Variants in GLIS3 observed in about 807,000 individuals in gnomAD.
The protein encoded by GLIS3 is zinc finger protein GLIS3.
A neutral mutation model predicts 78.6 loss-of-function variants in GLIS3; 53 were observed. The observed-to-expected ratio is 0.67, with a 90% CI of 0.54 to 0.85. GLIS3 has a LOEUF of 0.85. GLIS3 is among the 40% of genes least tolerant of loss of function. GLIS3 has a pLI of 0.00. For missense variants in GLIS3, 1,703 were observed against 1,231.1 expected (o/e 1.38, Z -5.74); for synonymous variants, 684 against 509.9 (o/e 1.34, Z -4.60).
the GLIS3 span, among the ~76,000 whole-genome samples, chr9:4,454,196 G>T: frequency 6.6e-6 from 1 of 151,172 alleles, no homozygotes; most frequent in Non-Finnish European, 1.5e-5. Context: ...CCAGAGACAG[G>T]GTATCCCTTT....
Position 4,118,703 on chromosome 9 carries a change from A to ATGTCCC in GLIS3, c.769_774dup (p.Gly257_Thr258dup). On this transcript the variant is annotated inframe_insertion, in exon 4 of 11. Transcript: ENST00000381971. This position sits in a 1 kb window ranked among gnomAD's most constrained non-coding sequence, Gnocchi z 4.7. ...TTAGAGACACTATTGCTGGACATGG[A>ATGTCCC]TGTCCCGGGAGGAAGGCTAAGGAGA... 6.2e-7 allele frequency: 1 copy of ATGTCCC among 1,614,066 alleles called. No homozygotes were observed. Among genetic ancestry groups the ATGTCCC allele is most frequent in the Non-Finnish European group, 8.5e-7 (1 of 1,180,032 alleles).
At chr9:4,157,152 T>C (rs1250189188) in intron 2 of GLIS3, among the ~76,000 whole-genome samples, 2 of 152,236 alleles carry the variant, frequency 1.3e-5, no homozygotes, top group Non-Finnish European at 2.9e-5. Context: ...AATTATAAGC[T>C]ATTTGTTATG....
chr9:3,868,315 G>C (rs1820740436), intron 8 of GLIS3, among the ~76,000 whole-genome samples: 1 of 152,092 alleles, frequency 6.6e-6, no homozygotes, highest in Non-Finnish European at 1.5e-5. Context: ...AGTTATTGCT[G>C]GATTAGCTCT....
intron 4 of GLIS3, among the ~76,000 whole-genome samples, chr9:4,021,510 A>G (rs970449437): frequency 6.6e-6 from 1 of 152,120 alleles, no homozygotes; most frequent in Admixed American, 6.6e-5. Context: ...TATCTGCTTG[A>G]TATGTGGTAA....
At chr9:4,117,279 C>T (rs145594006) in intron 4 of GLIS3, among the ~76,000 whole-genome samples, 127 of 152,172 alleles carry the variant, frequency 8.3e-4, no homozygotes, top group African/African-American at 2.9e-3. Context: ...GGATGCATGC[C>T]GAAACACTTT....
intron 6 of GLIS3, among the ~76,000 whole-genome samples, chr9:3,902,597 A>G (rs1373850): frequency 0.76 from 115,227 of 152,120 alleles, 43,747 homozygotes; most frequent in East Asian, 0.83. Flanking sequence ...GTGGTTCCCA[A>G]TCTTGGGGAT....
chr9:4,421,661 T>C, the GLIS3 span, among the ~76,000 whole-genome samples: 1 of 152,242 alleles, frequency 6.6e-6, no homozygotes, highest in Admixed American at 6.5e-5. Context: ...CATAGCTCAC[T>C]GCCTTGTCTG....
intron 9 of GLIS3, among the ~76,000 whole-genome samples, chr9:3,845,133 C>G (rs138964512): frequency 2.2e-4 from 33 of 151,592 alleles, no homozygotes; most frequent in African/African-American, 8.0e-4. Flanking sequence ...AGAGATTTAA[C>G]AGAATTGCTA....
the GLIS3 span, among the ~76,000 whole-genome samples, chr9:4,375,026 C>A: frequency 3.3e-5 from 5 of 152,168 alleles, no homozygotes; most frequent in East Asian, 1.9e-4. Context: ...TGTGTTGTTT[C>A]TAACTTTTCA....
At chr9:4,109,595 A>C (rs374605184) in intron 4 of GLIS3, among the ~76,000 whole-genome samples, 1 of 152,202 alleles carries the variant, frequency 6.6e-6, no homozygotes, top group Admixed American at 6.5e-5. Flanking sequence ...GTTTCATTTC[A>C]CATCCACTGA....
At chr9:4,385,469 G>T in the GLIS3 span, among the ~76,000 whole-genome samples, 22 of 152,218 alleles carry the variant, frequency 1.4e-4, no homozygotes, top group African/African-American at 4.6e-4. Flanking sequence ...TCCGAGACCA[G>T]CTTGGCCAAC....
At position 4,118,368 on chromosome 9, in the gene GLIS3, C is replaced by T; in HGVS notation, c.1110G>A (p.Lys370=). The change falls in exon 4 of 11, where the codon AAG becomes AAA. Residue 370 remains lysine (K), a synonymous_variant. Coordinates refer to ENST00000381971, the MANE Select transcript of GLIS3 (RefSeq NM_001042413.2). The surrounding 1 kb of genome is among the most constrained non-coding windows in gnomAD (Gnocchi z 4.7). Reference sequence around the variant, plus strand: ...GGCCTCCAGGGGCCACCAGCACGCCCTTCTGGCTGCCGGGCACCGGGCGCG... The same window carrying T: ...GGCCTCCAGGGGCCACCAGCACGCCTTTCTGGCTGCCGGGCACCGGGCGCG... ...PQPRPVPGSQ[K]GVLVAPGGLA... The T allele has an allele frequency of 1.3e-6, 2 of 1,592,360 alleles. No homozygotes were observed. The highest frequency in any genetic ancestry group is 1.1e-5 in the South Asian group (1 of 89,676).
intron 2 of GLIS3, among the ~76,000 whole-genome samples, chr9:4,343,249 G>T (rs1243653324): frequency 1.3e-5 from 2 of 152,138 alleles, no homozygotes; most frequent in Non-Finnish European, 2.9e-5. Flanking sequence ...GGCTGAGGTG[G>T]GAAGATTGCT....
the GLIS3 span, among the ~76,000 whole-genome samples, chr9:4,360,244 C>T: frequency 3.9e-5 from 6 of 152,142 alleles, no homozygotes; most frequent in African/African-American, 1.2e-4. Flanking sequence ...TCAACGCGCT[C>T]TGTGTCTCAG....
chr9:4,355,906 A>T, the GLIS3 span, among the ~76,000 whole-genome samples: 1 of 152,218 alleles, frequency 6.6e-6, no homozygotes, highest in South Asian at 2.1e-4. Flanking sequence ...AATGTTCTAT[A>T]TCTTGATTAG....
At chr9:4,159,030 GAAGA>G (rs1458405294) in intron 2 of GLIS3, among the ~76,000 whole-genome samples, 7 of 79,092 alleles carry the variant, frequency 8.9e-5, no homozygotes, top group South Asian at 4.1e-4. Context: ...GAAAGGAGAA[GAAGA>G]AAAAAAAAAA....
At chr9:4,371,297 G>C in the GLIS3 span, among the ~76,000 whole-genome samples, 1 of 152,134 alleles carries the variant, frequency 6.6e-6, no homozygotes, top group East Asian at 1.9e-4. Context: ...GCACTGTAGG[G>C]AAATAGGCAT....
At chr9:4,111,377 G>A (rs935923545) in intron 4 of GLIS3, among the ~76,000 whole-genome samples, 5 of 152,096 alleles carry the variant, frequency 3.3e-5, no homozygotes, top group South Asian at 4.1e-4. Flanking sequence ...CATAAACCAC[G>A]ATTAGCTTTG....
intron 2 of GLIS3, among the ~76,000 whole-genome samples, chr9:4,134,919 AG>A (rs1317657703): frequency 2.6e-5 from 4 of 152,188 alleles, no homozygotes; most frequent in African/African-American, 9.7e-5. Flanking sequence ...GTCCTGAAAG[AG>A]CTGCCCTGGA....
Sources: gnomAD v4.1 joint callset for allele counts (sites outside exome capture counted in the v4.1 genomes callset) on GRCh38, gnomAD v4.1.1 for gene constraint, Gnocchi (gnomAD v3.1) non-coding constraint, MANE v1.5 for transcripts, NCBI Gene and HGNC (gene_info 2026-07-23, HGNC 2026-07-21) for gene names.